Variants in RSF1 observed in about 807,000 individuals in gnomAD.
The protein encoded by RSF1 is remodeling and spacing factor 1, also known as HBV pX-associated protein 8.
RSF1 carries 13 observed loss-of-function variants against 145.2 expected under a neutral mutation model. The observed-to-expected ratio is 0.09, with a 90% CI of 0.06 to 0.14. RSF1 has a LOEUF of 0.14. Among genes scored for constraint, RSF1 ranks in the 10% least tolerant of loss-of-function variants. The probability of loss-of-function intolerance (pLI) is 1.00; values close to 1 mark genes in which losing one functional copy is unlikely to be tolerated. For missense variants in RSF1, 1,517 were observed against 1,718.2 expected (o/e 0.88, Z 2.07); for synonymous variants, 577 against 592.6 (o/e 0.97, Z 0.38).
chr11:77,697,705 T>TA (rs1166514933), intron 7 of RSF1, among the ~76,000 whole-genome samples: 6 of 151,234 alleles, frequency 4.0e-5, no homozygotes, highest in Non-Finnish European at 7.4e-5. Context: ...TTTTTTATGT[T>TA]AAAAAAATTG....
chr11:77,872,070 C>T, the RSF1 span: 15 of 1,278,248 alleles, frequency 1.2e-5, no homozygotes, highest in African/African-American at 7.6e-5. Flanking sequence ...CGTGAAGTGA[C>T]GATTGTCACT....
At chr11:77,807,561 G>A (rs948291202) in intron 1 of RSF1, among the ~76,000 whole-genome samples, 1 of 152,190 alleles carries the variant, frequency 6.6e-6, no homozygotes, top group Non-Finnish European at 1.5e-5. Flanking sequence ...CAAAGTAAAC[G>A]AAAGACAGAT....
At chr11:77,731,326 G>A (rs1961202566) in intron 4 of RSF1, among the ~76,000 whole-genome samples, 1 of 152,198 alleles carries the variant, frequency 6.6e-6, no homozygotes, top group South Asian at 2.1e-4. Context: ...TTTCTAAGCA[G>A]CAAAGCATTC....
chr11:77,813,231 T>A (rs1948747404), intron 1 of RSF1: 2 of 532,582 alleles, frequency 3.8e-6, no homozygotes, highest in Non-Finnish European at 6.8e-6. Flanking sequence ...GAGCAAAACA[T>A]GAAAGTAGTC....
At chr11:77,850,338 C>T in the RSF1 span, among the ~76,000 whole-genome samples, 2 of 152,150 alleles carry the variant, frequency 1.3e-5, no homozygotes, top group Non-Finnish European at 2.9e-5. Context: ...TCCAGGGTCA[C>T]ATAACTAATA....
intron 11 of RSF1, among the ~76,000 whole-genome samples, chr11:77,680,401 C>T (rs1294010057): frequency 1.3e-5 from 2 of 152,124 alleles, no homozygotes; most frequent in Non-Finnish European, 2.9e-5. Flanking sequence ...GATCATGCCA[C>T]TGCACTCCAG....
At chr11:77,750,649 T>A (rs1308453623) in intron 2 of RSF1, among the ~76,000 whole-genome samples, 2 of 152,152 alleles carry the variant, frequency 1.3e-5, no homozygotes, top group Non-Finnish European at 2.9e-5. Context: ...AGCAACCAGA[T>A]CCTAATTACA....
intron 4 of RSF1, among the ~76,000 whole-genome samples, chr11:77,735,331 CAGT>C (rs1961321469): frequency 1.3e-5 from 2 of 152,108 alleles, no homozygotes; most frequent in African/African-American, 4.8e-5. Flanking sequence ...ATGAAATTTT[CAGT>C]AGATCAACTA....
chr11:77,842,747 T>C, the RSF1 span: 2 of 1,377,148 alleles, frequency 1.5e-6, no homozygotes, highest in Non-Finnish European at 2.0e-6. Flanking sequence ...ATATAATTCA[T>C]ATACCATTAA....
chr11:77,760,574 C>T (rs571388549), intron 2 of RSF1, among the ~76,000 whole-genome samples: 1 of 152,110 alleles, frequency 6.6e-6, no homozygotes, highest in South Asian at 2.1e-4. Flanking sequence ...AATTATATCT[C>T]AATAAAAAAC....
chr11:77,786,848 C>T (rs1948461549), intron 1 of RSF1, among the ~76,000 whole-genome samples: 1 of 152,102 alleles, frequency 6.6e-6, no homozygotes, highest in Non-Finnish European at 1.5e-5. Flanking sequence ...ACACTCAAGA[C>T]ATTATACGAG....
intron 1 of RSF1, among the ~76,000 whole-genome samples, chr11:77,799,028 A>C (rs1948601419): frequency 6.6e-6 from 1 of 151,960 alleles, no homozygotes; most frequent in Non-Finnish European, 1.5e-5. Context: ...AACAAATGGG[A>C]CTATATTAAA....
Position 77,740,887 on chromosome 11 carries a change from A to G in RSF1, c.422T>C (p.Ile141Thr). The G allele has an allele frequency of 1.2e-6, 2 of 1,614,150 alleles. No homozygotes were observed. The highest frequency in any genetic ancestry group is 1.7e-6 in the Non-Finnish European group (2 of 1,180,002). Residue 141 changes from isoleucine (I) to threonine (T), a missense_variant, in exon 4 of 16, where the codon ATT becomes ACT. Transcript: ENST00000308488. Reference sequence around the variant, plus strand: ...CATAGTATCGGCATCCTCCTCATTAATAATATTCTTGAATTTGAGATTGTC... The same window carrying G: ...CATAGTATCGGCATCCTCCTCATTAGTAATATTCTTGAATTTGAGATTGTC... ...FDDNLKFKNI[I>T]NEEDADTMRL...
chr11:77,721,855 T>TA (rs1241374069), intron 5 of RSF1, among the ~76,000 whole-genome samples: 1 of 152,134 alleles, frequency 6.6e-6, no homozygotes, highest in Non-Finnish European at 1.5e-5. Context: ...ATTTTGTTGT[T>TA]AGAGAAAGAG....
At chr11:77,793,682 G>A (rs1429531351) in intron 1 of RSF1, among the ~76,000 whole-genome samples, 1 of 152,152 alleles carries the variant, frequency 6.6e-6, no homozygotes, top group Non-Finnish European at 1.5e-5. Flanking sequence ...TCACTCCACT[G>A]ATCGCCAGGA....
At chr11:77,789,221 C>T (rs1019349450) in intron 1 of RSF1, among the ~76,000 whole-genome samples, 2 of 152,128 alleles carry the variant, frequency 1.3e-5, no homozygotes, top group African/African-American at 4.8e-5. Flanking sequence ...TAGCTAGCCA[C>T]GGGAGAGGGC....
At chr11:77,746,537 T>G (rs1948004112) in intron 3 of RSF1, among the ~76,000 whole-genome samples, 1 of 152,144 alleles carries the variant, frequency 6.6e-6, no homozygotes, top group South Asian at 2.1e-4. Flanking sequence ...GCTGGCCACT[T>G]TGCTACTAAT....
chr11:77,721,020 C>T (rs549704908), intron 5 of RSF1, among the ~76,000 whole-genome samples: 2 of 152,136 alleles, frequency 1.3e-5, no homozygotes, highest in Non-Finnish European at 2.9e-5. Context: ...AACACCTATA[C>T]AAAAATAAAA....
chr11:77,667,642 C>G, intron 15 of RSF1, 151 bp from the exon 16 acceptor site: 1 of 645,586 alleles, frequency 1.5e-6, no homozygotes, highest in Non-Finnish European at 2.6e-6. Context: ...TTTCTCTCTT[C>G]TCAGTCCCAT....
Sources: allele counts gnomAD v4.1 joint callset (sites outside exome capture counted in the v4.1 genomes callset), GRCh38; gene constraint gnomAD v4.1.1; transcripts MANE v1.5; gene names NCBI Gene and HGNC (gene_info 2026-07-23, HGNC 2026-07-21).